The following HMGCLL1 variants were observed in gnomAD, a reference collection of about 807,000 sequenced individuals.
The protein encoded by HMGCLL1 is 3-hydroxymethyl-3-methylglutaryl-CoA lyase, cytoplasmic.
In HMGCLL1, 36 loss-of-function variants were observed where a neutral mutation model predicts 39.1. The observed-to-expected ratio is 0.92, with a 90% CI of 0.71 to 1.22. The LOEUF is 1.22. HMGCLL1 is among the 50% of genes most tolerant of loss of function. HMGCLL1 has a pLI of 0.00. For missense variants in HMGCLL1, 451 were observed against 416.5 expected (o/e 1.08, Z -0.72); for synonymous variants, 149 against 144.0 (o/e 1.03, Z -0.25).
At chr6:55,604,050 G>A in the HMGCLL1 span, among the ~76,000 whole-genome samples, 15 of 152,000 alleles carry the variant, frequency 9.9e-5, no homozygotes, top group Non-Finnish European at 2.2e-4. Context: ...GGGGAGAAAG[G>A]TTATTCAAAA....
chr6:55,479,804 C>A (rs1240048689), intron 7 of HMGCLL1, among the ~76,000 whole-genome samples: 1 of 151,616 alleles, frequency 6.6e-6, no homozygotes, highest in Non-Finnish European at 1.5e-5. Context: ...TACCACAGTT[C>A]AACAGGATTT....
At chr6:55,527,377 C>T (rs1768377240) in intron 3 of HMGCLL1, among the ~76,000 whole-genome samples, 1 of 151,956 alleles carries the variant, frequency 6.6e-6, no homozygotes, top group Non-Finnish European at 1.5e-5. Context: ...ATTAACAAAA[C>T]TTCTCAGGAG....
chr6:55,615,905 T>C, the HMGCLL1 span, among the ~76,000 whole-genome samples: 9 of 152,074 alleles, frequency 5.9e-5, no homozygotes, highest in Admixed American at 4.6e-4. Flanking sequence ...GAAAGTTTAA[T>C]AGAAAGTTGG....
In HMGCLL1 at chr6:55,499,277, A is replaced by T. The variant is rs1174532118; in HGVS notation, c.565T>A (p.Cys189Ser). 6.2e-7 allele frequency: 1 copy of T among 1,609,772 alleles called. No homozygotes were observed. Among genetic ancestry groups the T allele is most frequent in the South Asian group, 1.1e-5 (1 of 90,292 alleles). ...GGTGTAATACTTCCTTCATATGGAC[A>T]GCCCAGAGCACAAGACACATACCTA... ...ARGYVSCALG[C>S]PYEGSITPQK... is the part of the protein sequence containing the mutation. The change falls in exon 6 of 9, where the codon TGT becomes AGT. Residue 189 changes from cysteine to serine, a missense_variant. By Grantham distance (112) the Cys-to-Ser change is moderately radical. Coordinates refer to ENST00000274901, the MANE Select transcript of HMGCLL1 (RefSeq NM_001042406.2).
the HMGCLL1 span, among the ~76,000 whole-genome samples, chr6:55,623,387 C>A: frequency 6.6e-6 from 1 of 151,746 alleles, no homozygotes; most frequent in Non-Finnish European, 1.5e-5. Flanking sequence ...ACTTATTGCT[C>A]TAAACTCTCC....
chr6:55,472,449 C>T (rs1765089427), intron 7 of HMGCLL1, among the ~76,000 whole-genome samples: 1 of 144,448 alleles, frequency 6.9e-6, no homozygotes, highest in East Asian at 2.1e-4. Context: ...AGTTATTTGT[C>T]CATTTTACCA....
At chr6:55,551,698 TTA>T (rs1229713160) in intron 1 of HMGCLL1, among the ~76,000 whole-genome samples, 1 of 151,930 alleles carries the variant, frequency 6.6e-6, no homozygotes, top group Non-Finnish European at 1.5e-5. Context: ...CAGAAAGATG[TTA>T]TGATTTTGGA....
At chr6:55,570,055 A>G (rs1234116144) in intron 1 of HMGCLL1, among the ~76,000 whole-genome samples, 1 of 151,984 alleles carries the variant, frequency 6.6e-6, no homozygotes, top group African/African-American at 2.4e-5. Flanking sequence ...ACCCAAAAAG[A>G]CTCACAGCCA....
the HMGCLL1 span, among the ~76,000 whole-genome samples, chr6:55,630,200 T>C: frequency 6.6e-6 from 1 of 152,126 alleles, no homozygotes; most frequent in Non-Finnish European, 1.5e-5. Context: ...GGAGCCTACC[T>C]CTTGCATCAG....
chr6:55,635,797 T>A, the HMGCLL1 span, among the ~76,000 whole-genome samples: 2 of 152,166 alleles, frequency 1.3e-5, no homozygotes, highest in South Asian at 4.1e-4. Flanking sequence ...GTTCCAGCCC[T>A]ATTGATGCTG....
the HMGCLL1 span, among the ~76,000 whole-genome samples, chr6:55,616,388 C>T: frequency 6.6e-6 from 1 of 152,108 alleles, no homozygotes; most frequent in Non-Finnish European, 1.5e-5. Context: ...AACCTGCCAA[C>T]AACCACACTT....
At chr6:55,603,706 A>G in the HMGCLL1 span, among the ~76,000 whole-genome samples, 3 of 152,154 alleles carry the variant, frequency 2.0e-5, no homozygotes, top group Non-Finnish European at 4.4e-5. Context: ...ACATCTCACC[A>G]GTCTGAAAAT....
chr6:55,622,243 C>T, the HMGCLL1 span, among the ~76,000 whole-genome samples: 1 of 151,910 alleles, frequency 6.6e-6, no homozygotes, highest in Non-Finnish European at 1.5e-5. Context: ...TCTTCCTTTC[C>T]AATTTGGATG....
chr6:55,673,992 C>A, the HMGCLL1 span, among the ~76,000 whole-genome samples: 3 of 151,788 alleles, frequency 2.0e-5, no homozygotes, highest in African/African-American at 7.3e-5. Context: ...TTGTACTATA[C>A]AAAATTGTGT....
chr6:55,577,994 T>C (rs1165696406), intron 1 of HMGCLL1, among the ~76,000 whole-genome samples: 1 of 152,192 alleles, frequency 6.6e-6, no homozygotes, highest in Non-Finnish European at 1.5e-5. Flanking sequence ...TATGATACAC[T>C]AAACTGAGAA....
upstream of HMGCLL1, among the ~76,000 whole-genome samples, chr6:55,582,326 CTAT>C (rs1771999210): frequency 6.6e-6 from 1 of 152,082 alleles, no homozygotes; most frequent in Non-Finnish European, 1.5e-5. Context: ...CAAATGTTAG[CTAT>C]TATTATTATT....
At position 55,488,778 on chromosome 6, in the gene HMGCLL1, G is replaced by A. The variant is rs371862428; in HGVS notation, c.795+6641C>T. Among the ~76,000 whole-genome samples the A allele has an allele frequency of 5.3e-5, 8 of 152,032 alleles. No homozygotes were observed. The East Asian group carries it at 7.7e-4, about 15-fold the overall frequency. On this transcript the variant is annotated intron_variant, in intron 7 of 8. Transcript: ENST00000274901. ...TTAAATAAGTCTGGTATTCTAAACTGAGAAGTAATTTTATAAGAATGAGCC... is the reference window on the plus strand; with the variant it reads ...TTAAATAAGTCTGGTATTCTAAACTAAGAAGTAATTTTATAAGAATGAGCC...
chr6:55,460,800 G>C (rs1242578206), intron 7 of HMGCLL1, among the ~76,000 whole-genome samples: 1 of 151,910 alleles, frequency 6.6e-6, no homozygotes, highest in African/African-American at 2.4e-5. Context: ...CTGTAGTCCA[G>C]TTATGCAACT....
At position 55,445,136 on chromosome 6, in the gene HMGCLL1, T is replaced by TA. The variant is rs571703305; in HGVS notation, c.796-5578dup. Among the ~76,000 whole-genome samples the TA allele has an allele frequency of 2.6e-4, 40 of 152,116 alleles. No individual in the cohort carries two copies. The East Asian group carries it at 3.3e-3, about 12-fold the overall frequency. On this transcript the variant is annotated intron_variant, in intron 7 of 8. Transcript: ENST00000274901. ...CAATTCCCTTTAAAGTCTCTCTTTT[T>TA]AAAAAAATCACAGTACTTTAAAAAT... is the stretch of plus-strand genomic sequence containing the variant.
Sources: allele counts gnomAD v4.1 joint callset (sites outside exome capture counted in the v4.1 genomes callset), GRCh38; gene constraint gnomAD v4.1.1; transcripts MANE v1.5; gene names NCBI Gene and HGNC (gene_info 2026-07-23, HGNC 2026-07-21).